CCDC60: variants seen among roughly 807,000 people sequenced by gnomAD.
CCDC60 encodes the protein coiled-coil domain-containing protein 60.
CCDC60 carries 54 observed loss-of-function variants against 63.5 expected under a neutral mutation model. The ratio of observed to expected loss-of-function variants is 0.85; its 90% CI spans 0.68 to 1.07. The LOEUF (loss-of-function observed/expected upper bound fraction) is 1.07. CCDC60 is among the 50% of genes least tolerant of loss of function. The pLI, the probability that CCDC60 is intolerant of heterozygous loss-of-function variation, is 0.00. For synonymous variants in CCDC60, 206 were observed against 238.8 expected, an observed-to-expected ratio of 0.86 and a Z score of 1.27; for missense variants, 651 against 684.3, an observed-to-expected ratio of 0.95 and a Z score of 0.54.
intron 1 of CCDC60, among the ~76,000 whole-genome samples, chr12:119,390,882 C>G (rs1011929832): frequency 2.0e-5 from 3 of 152,180 alleles, no homozygotes; most frequent in Non-Finnish European, 1.5e-5. Context: ...TTTATTTTTA[C>G]AAAAGTTCTA....
At chr12:119,462,608 C>G (rs575845151) in intron 2 of CCDC60, among the ~76,000 whole-genome samples, 5 of 152,004 alleles carry the variant, frequency 3.3e-5, no homozygotes, top group East Asian at 1.9e-4. Flanking sequence ...GGTAAATGAC[C>G]GAGATGCAGA....
chr12:119,499,232 C>T (rs1161206024), intron 5 of CCDC60, among the ~76,000 whole-genome samples: 9 of 152,158 alleles, frequency 5.9e-5, no homozygotes. Context: ...ACCAACAGAA[C>T]CTACTGGGCT....
chr12:119,495,289 G>T (rs992714486), intron 5 of CCDC60, among the ~76,000 whole-genome samples: 3 of 152,018 alleles, frequency 2.0e-5, no homozygotes, highest in African/African-American at 7.2e-5. Context: ...CTGATGCCCC[G>T]CCTCGAAGAA....
At chr12:119,390,508 T>C (rs555533604) in intron 1 of CCDC60, among the ~76,000 whole-genome samples, 2 of 152,338 alleles carry the variant, frequency 1.3e-5, no homozygotes, top group Admixed American at 1.3e-4. Context: ...AATAGATGAA[T>C]CAGTGAATGG....
chr12:119,523,072 G>C (rs540545128), intron 10 of CCDC60, 71 bp downstream of exon 10: 6 of 1,398,748 alleles, frequency 4.3e-6, no homozygotes, highest in African/African-American at 2.8e-5. Flanking sequence ...ATCTTCCCAG[G>C]GGTGTAGAAA....
intron 2 of CCDC60, among the ~76,000 whole-genome samples, chr12:119,458,504 C>A (rs1447591402): frequency 6.6e-6 from 1 of 152,048 alleles, no homozygotes; most frequent in Non-Finnish European, 1.5e-5. Flanking sequence ...AATCCCATGC[C>A]CCCCATAATA....
rs1470032034 is a variant in CCDC60 at position 119,370,577 on chromosome 12, G to T, written c.90+35311G>T. On this transcript the variant is annotated intron_variant, in intron 1 of 13. Coordinates refer to ENST00000327554, the MANE Select transcript of CCDC60 (RefSeq NM_178499.5). ...GAAGTCTATGTGAAGGGGTCACGTG[G>T]ATGGAGCAGTCCACTCCTCCCTGCT... Among the ~76,000 whole-genome samples, 4 of 152,320 alleles carry T rather than the reference G, an allele frequency of 2.6e-5. No homozygotes were observed. The East Asian group carries it at 7.7e-4, about 29-fold the overall frequency.
intron 1 of CCDC60, among the ~76,000 whole-genome samples, chr12:119,342,565 C>A (rs1955543708): frequency 6.6e-6 from 1 of 152,216 alleles, no homozygotes; most frequent in African/African-American, 2.4e-5. Context: ...ATCCCCTACC[C>A]TACACAACAA....
rs368160992 is a variant in CCDC60 at position 119,520,295 on chromosome 12, G to A, written c.1040+103G>A. The A allele has an allele frequency of 3.9e-3, 3,782 of 969,676 alleles. 73 individuals are homozygous for A. The highest frequency in any genetic ancestry group is 0.033 in the South Asian group (2,084 of 63,598). The allele number at this position is 969,676 out of a possible 1,614,324, so 60.1% of individuals were successfully genotyped here. ...CCCCAGACCATGGAAAGTGGGACAG[G>A]AAAGAGGGAACTTTTTCCTTCTTAT... On this transcript the variant is annotated intron_variant, in intron 9 of 13. Coordinates refer to ENST00000327554, the MANE Select transcript of CCDC60 (RefSeq NM_178499.5).
chr12:119,422,022 C>T (rs1956822103), intron 1 of CCDC60, among the ~76,000 whole-genome samples: 1 of 152,198 alleles, frequency 6.6e-6, no homozygotes, highest in South Asian at 2.1e-4. Context: ...TGGTACATTA[C>T]ACGACATCAC....
At chr12:119,378,192 C>T (rs555543547) in intron 1 of CCDC60, among the ~76,000 whole-genome samples, 1 of 152,314 alleles carries the variant, frequency 6.6e-6, no homozygotes, top group East Asian at 1.9e-4. Context: ...CTGGCGGGTG[C>T]CGTGTTGTCT....
At chr12:119,436,465 A>C (rs1950326597) in intron 2 of CCDC60, among the ~76,000 whole-genome samples, 1 of 152,060 alleles carries the variant, frequency 6.6e-6, no homozygotes, top group South Asian at 2.1e-4. Flanking sequence ...GGAAAGATGG[A>C]GAAGAAGCCA....
At position 119,510,452 on chromosome 12, in the gene CCDC60, C is replaced by T. The variant is rs181662934; in HGVS notation, c.883+5149C>T. 1.7e-3 allele frequency among the ~76,000 whole-genome samples: 258 copies of T among 152,276 alleles called. 2 individuals carry two copies. Among genetic ancestry groups the T allele is most frequent in the Admixed American group, 0.016 (245 of 15,292 alleles). ...AATGTTCCCTCCTCTGTGAAGCCTT[C>T]TCTGATTCACCCAGGTTTCCTCTTC... is the stretch of plus-strand genomic sequence containing the variant. On this transcript the variant is annotated intron_variant, in intron 7 of 13. Transcript: ENST00000327554.
At chr12:119,524,644 G>A (rs1256076996) in intron 11 of CCDC60, 1 of 161,750 alleles carries the variant, frequency 6.2e-6, no homozygotes, top group Non-Finnish European at 1.3e-5. Context: ...GAACACAAAA[G>A]GGATGCCCCA....
At chr12:119,475,418 T>C (rs968054016) in intron 3 of CCDC60, among the ~76,000 whole-genome samples, 1 of 152,260 alleles carries the variant, frequency 6.6e-6, no homozygotes, top group Non-Finnish European at 1.5e-5. Context: ...TGAGAAATGA[T>C]TTATTTAAAG....
At chr12:119,492,333 A>T (rs1431392788) in intron 5 of CCDC60, among the ~76,000 whole-genome samples, 3 of 152,108 alleles carry the variant, frequency 2.0e-5, no homozygotes, top group Admixed American at 2.0e-4. Context: ...TCTTACCAAC[A>T]TGGTATCACC....
intron 5 of CCDC60, among the ~76,000 whole-genome samples, chr12:119,498,500 A>G (rs1269367987): frequency 6.6e-6 from 1 of 151,386 alleles, no homozygotes; most frequent in South Asian, 2.1e-4. Flanking sequence ...ACCTGGCTAA[A>G]TTTTTTTTGT....
At chr12:119,439,255 TTG>T (rs148889066) in intron 2 of CCDC60, among the ~76,000 whole-genome samples, 1 of 151,160 alleles carries the variant, frequency 6.6e-6, no homozygotes, top group African/African-American at 2.4e-5. Flanking sequence ...TTGATCAAAC[TTG>T]TGTGTGTGTG....
intron 1 of CCDC60, among the ~76,000 whole-genome samples, chr12:119,398,724 TTAGA>T (rs1341710291): frequency 6.6e-6 from 1 of 152,254 alleles, no homozygotes; most frequent in East Asian, 1.9e-4. Flanking sequence ...CATTTTACAA[TTAGA>T]TAATCTGTCT....
Sources: gnomAD v4.1 joint callset for allele counts (sites outside exome capture counted in the v4.1 genomes callset) on GRCh38, gnomAD v4.1.1 for gene constraint, MANE v1.5 for transcripts, NCBI Gene and HGNC (gene_info 2026-07-23, HGNC 2026-07-21) for gene names.